Variants in HSD17B7 observed in about 807,000 individuals in gnomAD.
HSD17B7 encodes 3-keto-steroid reductase/17-beta-hydroxysteroid dehydrogenase 7.
Under a neutral mutation model 34.1 loss-of-function variants are expected in HSD17B7, and 17 were observed. The observed-to-expected ratio is 0.50, with a 90% CI of 0.34 to 0.75. HSD17B7 has a LOEUF of 0.75. Ranked by LOEUF, HSD17B7 falls within the 30% of genes least tolerant of loss-of-function variation. The pLI, the probability that HSD17B7 is intolerant of heterozygous loss-of-function variation, is 0.01. For missense variants in HSD17B7, 296 were observed against 406.6 expected (o/e 0.73, Z 2.34); for synonymous variants, 122 against 154.6 (o/e 0.79, Z 1.56).
Position 162,812,560 on chromosome 1 carries a change from C to T in HSD17B7, c.*140C>T. The T allele has an allele frequency of 1.3e-6, 1 of 774,326 alleles. No homozygotes were observed. The highest frequency in any genetic ancestry group is 1.9e-6 in the Non-Finnish European group (1 of 515,254). The allele number at this position is 774,326 out of a possible 1,614,324, so 48.0% of individuals were successfully genotyped here. A position where few individuals can be genotyped will look rare whatever the true frequency, so the allele number is the denominator to read the frequency against. Reference sequence around the variant, plus strand: ...GGGTGTGGTGGCATGCGCATGTAGTCCCAGCTACTCAGAAGGATGAGGTGG... The same window carrying T: ...GGGTGTGGTGGCATGCGCATGTAGTTCCAGCTACTCAGAAGGATGAGGTGG... On this transcript the variant is annotated 3_prime_UTR_variant, in exon 9 of 9. Coordinates refer to ENST00000254521, the MANE Select transcript of HSD17B7 (RefSeq NM_016371.4).
intron 8 of HSD17B7, among the ~76,000 whole-genome samples, chr1:162,807,961 C>G (rs938358500): frequency 6.6e-6 from 1 of 152,114 alleles, no homozygotes; most frequent in Non-Finnish European, 1.5e-5. Flanking sequence ...TGCAGAAGCT[C>G]TTTAGTTTAA....
At position 162,803,446 on chromosome 1, in the gene HSD17B7, G is replaced by A. The variant is rs780957752; in HGVS notation, c.658G>A (p.Val220Met). 3.1e-6 allele frequency: 5 copies of A among 1,612,730 alleles called. No individual in the cohort carries two copies. Among genetic ancestry groups the A allele is most frequent in the Non-Finnish European group, 4.2e-6 (5 of 1,179,048 alleles). Residue 220 changes from valine to methionine, a missense_variant, in exon 6 of 9, where the codon GTG becomes ATG. Physicochemically the swap from Val to Met is conservative, Grantham distance 21. Coordinates refer to ENST00000254521, the MANE Select transcript of HSD17B7 (RefSeq NM_016371.4). ...CTGTTCCTAGGGTCTCTATTCCAAT[G>A]TGGCCTGTCCAGGTACAGCATTGAC... ...NFNQQGLYSN[V>M]ACPGTALTNL...
At chr1:162,808,000 T>G (rs542438579) in intron 8 of HSD17B7, among the ~76,000 whole-genome samples, 20 of 152,354 alleles carry the variant, frequency 1.3e-4, no homozygotes, top group African/African-American at 4.6e-4. Context: ...TTTTGGCTTT[T>G]GTTGCCATTG....
intron 4 of HSD17B7, chr1:162,798,268 C>T (rs1453016151): frequency 2.0e-5 from 4 of 201,600 alleles, no homozygotes; most frequent in African/African-American, 7.0e-5. Context: ...TTATTATTAA[C>T]TAAAGTACAC....
intron 6 of HSD17B7, 52 bp downstream of exon 6, chr1:162,803,587 A>T: frequency 6.3e-7 from 1 of 1,579,302 alleles, no homozygotes. Flanking sequence ...TCTTTTTGGG[A>T]CCTAGAAGAT....
chr1:162,811,377 T>TA (rs1649165529), intron 8 of HSD17B7, among the ~76,000 whole-genome samples: 1 of 152,188 alleles, frequency 6.6e-6, no homozygotes, highest in Non-Finnish European at 1.5e-5. Flanking sequence ...TGGCTGCCCT[T>TA]AAAAATGTTA....
At position 162,799,889 on chromosome 1, in the gene HSD17B7, T is replaced by C. The variant is rs139006767; in HGVS notation, c.594T>C (p.Tyr198=). 7.1e-5 allele frequency: 114 copies of C among 1,614,062 alleles called. 1 individual carries two copies. In the African/African-American group the frequency reaches 1.3e-3, roughly 19 times the overall value. ...AGGAACCCTACAGCTCTTCCAAATA[T>C]GCCACTGACCTTTTGAGTGTGGCTT... ...KGKEPYSSSK[Y]ATDLLSVALN... The change falls in exon 5 of 9, where the codon TAT becomes TAC. Residue 198 remains tyrosine (Y), a synonymous_variant. Coordinates refer to ENST00000254521, the MANE Select transcript of HSD17B7 (RefSeq NM_016371.4).
intron 7 of HSD17B7, among the ~76,000 whole-genome samples, chr1:162,804,668 G>A (rs537756829): frequency 2.0e-5 from 3 of 152,302 alleles, no homozygotes; most frequent in South Asian, 2.1e-4. Context: ...GTGATTTCCC[G>A]TGGAGAAAGA....
At chr1:162,796,165 A>G (rs978545998) in intron 2 of HSD17B7, among the ~76,000 whole-genome samples, 51 of 152,162 alleles carry the variant, frequency 3.4e-4, no homozygotes, top group Non-Finnish European at 5.1e-4. Flanking sequence ...TTACTTGTCA[A>G]CCAGAGGAGA....
In HSD17B7 at chr1:162,803,374, G is replaced by A. The variant is rs544106795; in HGVS notation, c.643-57G>A. 109 of 1,537,694 alleles carry A rather than the reference G, an allele frequency of 7.1e-5. No individual in the cohort carries two copies. In the South Asian group the frequency reaches 1.2e-3, roughly 16 times the overall value. ...CTCTTTTATTAACTAGCATGTAGCT[G>A]GACTGAGTCAATATACACTGAGTTA... On this transcript the variant is annotated intron_variant, in intron 5 of 8. Transcript: ENST00000254521.
At chr1:162,807,054 A>G (rs1426595534) in intron 8 of HSD17B7, among the ~76,000 whole-genome samples, 2 of 152,194 alleles carry the variant, frequency 1.3e-5, no homozygotes, top group Non-Finnish European at 2.9e-5. Flanking sequence ...TACATGTGCC[A>G]TGTTGGTGTG....
chr1:162,795,036 CT>C (rs912616660), intron 2 of HSD17B7, among the ~76,000 whole-genome samples: 8 of 151,838 alleles, frequency 5.3e-5, no homozygotes, highest in Admixed American at 1.3e-4. Flanking sequence ...GCAAAACAGC[CT>C]TTTTTTTGAG....
At chr1:162,800,128 T>A (rs1427475897) in intron 5 of HSD17B7, 191 bp downstream of exon 5, 14 of 709,784 alleles carry the variant, frequency 2.0e-5, no homozygotes, top group Non-Finnish European at 3.7e-5. Context: ...CATTCTGTGG[T>A]TCTTCAGGAA....
chr1:162,801,644 T>G (rs1648820377), intron 5 of HSD17B7, among the ~76,000 whole-genome samples: 1 of 152,108 alleles, frequency 6.6e-6, no homozygotes. Flanking sequence ...GAATGTACTT[T>G]TTGGGTGTGT....
Position 162,812,565 on chromosome 1 carries a change from C to T in HSD17B7, c.*145C>T, listed in dbSNP as rs1271587595. 1.3e-5 allele frequency: 10 copies of T among 773,380 alleles called. No homozygotes were observed. Among genetic ancestry groups the T allele is most frequent in the Non-Finnish European group, 1.9e-5 (10 of 517,052 alleles). The allele number at this position is 773,380 out of a possible 1,614,324, so 47.9% of individuals were successfully genotyped here. ...TGGTGGCATGCGCATGTAGTCCCAG[C>T]TACTCAGAAGGATGAGGTGGGAGGA... On this transcript the variant is annotated 3_prime_UTR_variant, in exon 9 of 9. Coordinates refer to ENST00000254521, the MANE Select transcript of HSD17B7 (RefSeq NM_016371.4).
At chr1:162,810,838 G>A (rs1649149199) in intron 8 of HSD17B7, among the ~76,000 whole-genome samples, 1 of 152,068 alleles carries the variant, frequency 6.6e-6, no homozygotes, top group Non-Finnish European at 1.5e-5. Flanking sequence ...GAGCCTATGT[G>A]TCTCTCTGCA....
chr1:162,804,453 G>A (rs1413805805), intron 7 of HSD17B7, 130 bp downstream of exon 7: 3 of 624,948 alleles, frequency 4.8e-6, no homozygotes, highest in South Asian at 2.4e-5. Context: ...TTGAGGTCCC[G>A]TTTGGAACTA....
intron 5 of HSD17B7, chr1:162,800,415 C>T (rs1648768646): frequency 2.5e-6 from 1 of 396,038 alleles, no homozygotes; most frequent in Admixed American, 2.9e-5. Flanking sequence ...TCCCACTGTA[C>T]CATGCTGCCG....
chr1:162,795,473 T>C (rs1169201372), intron 2 of HSD17B7: 1 of 347,518 alleles, frequency 2.9e-6, no homozygotes, highest in Non-Finnish European at 5.7e-6. Context: ...TATTCATAGA[T>C]AAAAGTTGGC....
Sources: gnomAD v4.1 joint callset for allele counts (sites outside exome capture counted in the v4.1 genomes callset) on GRCh38, gnomAD v4.1.1 for gene constraint, MANE v1.5 for transcripts, NCBI Gene and HGNC (gene_info 2026-07-23, HGNC 2026-07-21) for gene names.